ZBTB38: variants seen among roughly 807,000 people sequenced by gnomAD.
ZBTB38 encodes zinc finger and BTB domain containing 38, also known as zinc finger and BTB domain-containing protein 38.
Under a neutral mutation model 76.8 loss-of-function variants are expected in ZBTB38, and 20 were observed. The ratio of observed to expected loss-of-function variants is 0.26; its 90% confidence interval spans 0.18 to 0.38. The LOEUF is 0.38. Among genes scored for constraint, ZBTB38 ranks in the 10% least tolerant of loss-of-function variants. The probability of loss-of-function intolerance (pLI) is 1.00; values close to 1 mark genes in which losing one functional copy is unlikely to be tolerated. For synonymous variants in ZBTB38, 504 were observed against 544.2 expected (o/e 0.93, Z 1.03); for missense variants, 1,082 against 1,482.3 (o/e 0.73, Z 4.43).
Position 141,443,394 on chromosome 3 carries a change from G to A in ZBTB38, c.1006G>A (p.Glu336Lys), listed in dbSNP as rs2080643021. Residue 336 changes from glutamate (E) to lysine (K), a missense_variant, in exon 6 of 6, where the codon GAG becomes AAG. Glu to Lys is a moderately conservative substitution (Grantham distance 56). This residue lies in a region of ZBTB38 where 324 missense variants were observed against 359.1 expected (regional missense o/e 0.90). Transcript: ENST00000321464. The surrounding 1 kb of genome is among the most constrained non-coding windows in gnomAD (Gnocchi z 5.6). ...SSDVPGPPAA[E>K]VPPLVYNCSC... The stretch of plus-strand genomic sequence containing the variant: ...TGATGTTCCCGGGCCGCCAGCCGCA[G>A]AGGTTCCACCTCTGGTGTACAATTG... 1.2e-6 allele frequency: 2 copies of A among 1,614,136 alleles called. No homozygotes were observed. The highest frequency in any genetic ancestry group is 2.2e-5 in the South Asian group (2 of 91,092).
At chr3:141,406,094 A>G (rs1954306452) in intron 5 of ZBTB38, among the ~76,000 whole-genome samples, 1 of 152,216 alleles carries the variant, frequency 6.6e-6, no homozygotes, top group African/African-American at 2.4e-5. Context: ...GAACTGGTCT[A>G]TATACAGGCA....
At chr3:141,426,085 T>C (rs2150322988) in intron 5 of ZBTB38, 1 of 1,235,198 alleles carries the variant, frequency 8.1e-7, no homozygotes, top group Non-Finnish European at 1.1e-6. Context: ...TTGTTGCATT[T>C]GTTTGGAGTA....
chr3:141,387,780 C>T (rs1947542406), intron 4 of ZBTB38: 1 of 152,190 alleles, frequency 6.6e-6, no homozygotes, highest in African/African-American at 2.4e-5. Flanking sequence ...ACAATTGCAT[C>T]TAAAACTTGT....
intron 5 of ZBTB38, among the ~76,000 whole-genome samples, chr3:141,439,763 T>A (rs2079674361): frequency 6.6e-6 from 1 of 152,220 alleles, no homozygotes; most frequent in South Asian, 2.1e-4. Context: ...CCTTTTTGAA[T>A]CATATAGCAT....
chr3:141,363,734 T>C (rs895405792), upstream of ZBTB38, among the ~76,000 whole-genome samples: 23 of 152,194 alleles, frequency 1.5e-4, no homozygotes, highest in African/African-American at 5.3e-4. Context: ...ATTGTAAGAA[T>C]AATCTTTTCA....
rs557455513 is a variant in ZBTB38, at chr3:141,413,672, C to A, written c.-1+9641C>A. Among the ~76,000 whole-genome samples the A allele has an allele frequency of 6.6e-6, 1 of 152,290 alleles. No individual in the cohort carries two copies. The highest frequency in any genetic ancestry group is 1.9e-4 in the East Asian group (1 of 5,182). On this transcript the variant is annotated intron_variant, in intron 5 of 5. Transcript: ENST00000321464. The surrounding 1 kb of genome is among the most constrained non-coding windows in gnomAD (Gnocchi z 4.1). ...TTGCTTCCCCCGTTACACACCTGCTCATGATGACTTGTGGGATGCTTGTTT... is the reference window on the plus strand; with the variant it reads ...TTGCTTCCCCCGTTACACACCTGCTAATGATGACTTGTGGGATGCTTGTTT...
intron 5 of ZBTB38, among the ~76,000 whole-genome samples, chr3:141,423,742 A>T (rs1358683187): frequency 2.0e-5 from 3 of 152,232 alleles, no homozygotes; most frequent in Non-Finnish European, 2.9e-5. Flanking sequence ...CCCAAAGTGA[A>T]CCCAAATTTT....
chr3:141,395,162 G>A (rs1235319273), intron 4 of ZBTB38, among the ~76,000 whole-genome samples: 1 of 152,328 alleles, frequency 6.6e-6, no homozygotes, highest in East Asian at 1.9e-4. Flanking sequence ...TAACAAATAG[G>A]AAGGTATTCT....
In ZBTB38 at chr3:141,332,675, G is replaced by A. The variant is rs546220408; in HGVS notation, c.-739+8219G>A. On this transcript the variant is annotated intron_variant, in intron 1 of 7. Transcript: ENST00000509842. ...AATGCCCTGAATGCTTGTTCCTGGC[G>A]CCCTTGGCTTCTAGAAGAGCCTGCA... Among the ~76,000 whole-genome samples, 112 of 152,282 alleles carry A rather than the reference G, an allele frequency of 7.4e-4. 1 individual carries two copies. The highest frequency in any genetic ancestry group is 4.6e-3 in the South Asian group (22 of 4,822).
rs150173767 is a variant in ZBTB38, at chr3:141,346,782, T to TTTTTTGTGTGTG, written c.-738-21838_-738-21837insTTTTGTGTGTGT. On this transcript the variant is annotated intron_variant, in intron 1 of 7. Transcript: ENST00000509842. ...ACTCTCCGAGGTTTTTTGTTTTGTTTTGTGTGTGTGTGTGTGTGTGTGTGT... is the reference window on the plus strand; with the variant it reads ...ACTCTCCGAGGTTTTTTGTTTTGTTTTTTTTGTGTGTGTGTGTGTGTGTGTGTGTGTGTGTGT... 1.5e-3 allele frequency among the ~76,000 whole-genome samples: 222 copies of TTTTTTGTGTGTG among 144,674 alleles called. 1 individual carries two copies. The highest frequency in any genetic ancestry group is 2.8e-3 in the Non-Finnish European group (184 of 66,332). 94.9% of individuals were successfully genotyped at this position (144,674 alleles called of 152,430 possible).
At chr3:141,343,218 G>A (rs1399199257) in intron 1 of ZBTB38, among the ~76,000 whole-genome samples, 1 of 152,104 alleles carries the variant, frequency 6.6e-6, no homozygotes, top group Admixed American at 6.5e-5. Context: ...GGGTAAAAGT[G>A]GTAATCCTTC....
At chr3:141,340,927 A>AAAGAAAAG (rs1553760058) in intron 1 of ZBTB38, among the ~76,000 whole-genome samples, 2 of 102,064 alleles carry the variant, frequency 2.0e-5, no homozygotes, top group African/African-American at 6.5e-5. Context: ...AAGGAAAGGA[A>AAAGAAAAG]AAAAGAAAAG....
intron 1 of ZBTB38, among the ~76,000 whole-genome samples, chr3:141,338,908 T>A (rs1943093555): frequency 6.6e-6 from 1 of 151,910 alleles, no homozygotes; most frequent in South Asian, 2.1e-4. Context: ...AAACAAACAA[T>A]CTTTTAGGGA....
At chr3:141,430,210 C>T (rs2077199465) in intron 5 of ZBTB38, among the ~76,000 whole-genome samples, 1 of 152,098 alleles carries the variant, frequency 6.6e-6, no homozygotes, top group Non-Finnish European at 1.5e-5. Flanking sequence ...GGATTACAGG[C>T]ATGCACTACC....
At chr3:141,369,633 C>G (rs1944252608) in intron 1 of ZBTB38, among the ~76,000 whole-genome samples, 1 of 152,128 alleles carries the variant, frequency 6.6e-6, no homozygotes, top group Non-Finnish European at 1.5e-5. Flanking sequence ...AGCATCTAGT[C>G]TTCGTATAGC....
At chr3:141,379,182 A>G (rs1945842048) in intron 2 of ZBTB38, among the ~76,000 whole-genome samples, 1 of 152,126 alleles carries the variant, frequency 6.6e-6, no homozygotes, top group African/African-American at 2.4e-5. Flanking sequence ...TTGGCCCTGG[A>G]AAGACAGTTT....
At chr3:141,324,295 T>C (rs1434419773) in exon 1 of ZBTB38, 1 of 152,262 alleles carries the variant, frequency 6.6e-6, no homozygotes, top group Non-Finnish European at 1.5e-5. Context: ...GCTTTCCTGC[T>C]GCCCTGGGTC....
chr3:141,440,892 G>A (rs926874368), intron 5 of ZBTB38, among the ~76,000 whole-genome samples: 1 of 151,896 alleles, frequency 6.6e-6, no homozygotes, highest in Non-Finnish European at 1.5e-5. Flanking sequence ...AAATTAGCTG[G>A]GCGTGGTGGC....
At chr3:141,329,268 A>G (rs372966461) in intron 1 of ZBTB38, among the ~76,000 whole-genome samples, 3 of 152,212 alleles carry the variant, frequency 2.0e-5, no homozygotes, top group African/African-American at 4.8e-5. Flanking sequence ...AAGGTCCCTG[A>G]CTGTGTTCCT....
Sources: gnomAD v4.1 joint callset for allele counts (sites outside exome capture counted in the v4.1 genomes callset) on GRCh38, gnomAD v4.1.1 for gene constraint, gnomAD v4.1.1 regional missense constraint, Gnocchi (gnomAD v3.1) non-coding constraint, MANE v1.5 for transcripts, NCBI Gene and HGNC (gene_info 2026-07-23, HGNC 2026-07-21) for gene names.